Variants in PRMT3 observed in about 807,000 individuals in gnomAD.
PRMT3 encodes the protein protein arginine N-methyltransferase 3.
PRMT3 carries 62 observed loss-of-function variants against 71.9 expected under a neutral mutation model. That is an observed-to-expected ratio of 0.86 (90% confidence interval 0.70 to 1.07). The LOEUF (loss-of-function observed/expected upper bound fraction) is 1.07. PRMT3 is among the 50% of genes least tolerant of loss of function. The pLI, the probability that PRMT3 is intolerant of heterozygous loss-of-function variation, is 0.00. For missense variants in PRMT3, 663 were observed against 643.0 expected (o/e 1.03, Z -0.34); for synonymous variants, 213 against 220.4 (o/e 0.97, Z 0.30).
At chr11:20,419,586 A>G (rs1849381483) in intron 9 of PRMT3, among the ~76,000 whole-genome samples, 1 of 152,086 alleles carries the variant, frequency 6.6e-6, no homozygotes, top group Non-Finnish European at 1.5e-5. Flanking sequence ...TAGAGGGTAT[A>G]TTTTCTTGTA....
intron 12 of PRMT3, among the ~76,000 whole-genome samples, 193 bp from the exon 13 acceptor site, chr11:20,464,267 T>C (rs1263345018): frequency 6.6e-6 from 1 of 152,160 alleles, no homozygotes; most frequent in African/African-American, 2.4e-5. Flanking sequence ...AAGATGATAG[T>C]ACTAGTACTC....
Position 20,508,347 on chromosome 11 carries a change from A to G in PRMT3, c.1530A>G (p.Lys510=), listed in dbSNP as rs1851645243. Residue 510 remains lysine (K), a synonymous_variant, in exon 16 of 16, where the codon AAA becomes AAG. Coordinates refer to ENST00000331079, the MANE Select transcript of PRMT3 (RefSeq NM_005788.4). The part of the protein sequence containing the change: ...KGKVTVHKNK[K]DPRSLTVTLT... ...AGGTCACAGTTCACAAGAATAAGAAAGATCCACGTTCTCTCACCGTGACCC... is the reference window on the plus strand; with the variant it reads ...AGGTCACAGTTCACAAGAATAAGAAGGATCCACGTTCTCTCACCGTGACCC... The G allele has an allele frequency of 6.2e-7, 1 of 1,612,506 alleles. No homozygotes were observed. Among genetic ancestry groups the G allele is most frequent in the Non-Finnish European group, 8.5e-7 (1 of 1,178,620 alleles).
intron 13 of PRMT3, among the ~76,000 whole-genome samples, chr11:20,470,206 T>G (rs1850610629): frequency 6.6e-6 from 1 of 152,188 alleles, no homozygotes; most frequent in Non-Finnish European, 1.5e-5. Context: ...TATCTAAGCA[T>G]AGAAAAGGTA....
chr11:20,395,270 A>G (rs1848800171), intron 5 of PRMT3, among the ~76,000 whole-genome samples: 1 of 152,042 alleles, frequency 6.6e-6, no homozygotes, highest in Admixed American at 6.5e-5. Flanking sequence ...AGTTTAGCCA[A>G]CTAATGAAAA....
At position 20,400,724 on chromosome 11, in the gene PRMT3, C is replaced by T. The variant is rs1238157475; in HGVS notation, c.706-2195C>T. Among the ~76,000 whole-genome samples the T allele has an allele frequency of 2.0e-5, 3 of 151,386 alleles. No individual in the cohort carries two copies. The South Asian group carries it at 6.2e-4, about 31-fold the overall frequency. On this transcript the variant is annotated intron_variant, in intron 7 of 15. Coordinates refer to ENST00000331079, the MANE Select transcript of PRMT3 (RefSeq NM_005788.4). ...TATAACTTTTTTCTTTACCTTCATTCTTTTTTTTATATTTGTAGGAATAAT... is the reference window on the plus strand; with the variant it reads ...TATAACTTTTTTCTTTACCTTCATTTTTTTTTTTATATTTGTAGGAATAAT...
chr11:20,426,773 A>G lies in PRMT3; in HGVS notation c.901A>G (p.Lys301Glu), dbSNP rs921875181. The part of the protein sequence containing the change: ...YQAMDIIRLN[K>E]LEDTITLIKG... ...ATTCATTATAATTTTCAGACTAAATAAACTTGAAGATACTATTACACTAAT... is the reference window on the plus strand; with the variant it reads ...ATTCATTATAATTTTCAGACTAAATGAACTTGAAGATACTATTACACTAAT... Residue 301 changes from lysine (K) to glutamate (E), a missense_variant, in exon 10 of 16, where the codon AAA (lysine) becomes GAA (glutamate). Transcript: ENST00000331079. 8 of 1,477,294 alleles carry G rather than the reference A, an allele frequency of 5.4e-6. No homozygotes were observed. The South Asian group carries it at 7.4e-5, about 14-fold the overall frequency. 91.5% of individuals were successfully genotyped at this position (1,477,294 alleles called of 1,614,324 possible).
At chr11:20,440,310 G>A (rs1849856542) in intron 10 of PRMT3, among the ~76,000 whole-genome samples, 3 of 152,030 alleles carry the variant, frequency 2.0e-5, no homozygotes, top group Non-Finnish European at 4.4e-5. Flanking sequence ...AGCTATGATT[G>A]CACCACTGCC....
At chr11:20,485,271 AATT>A (rs1292215419) in intron 13 of PRMT3, among the ~76,000 whole-genome samples, 1 of 152,206 alleles carries the variant, frequency 6.6e-6, no homozygotes, top group Non-Finnish European at 1.5e-5. Flanking sequence ...ACAGGTTTCA[AATT>A]ATTTTCACAA....
chr11:20,396,121 T>C (rs1455504784), intron 6 of PRMT3, among the ~76,000 whole-genome samples, 159 bp downstream of exon 6: 1 of 152,244 alleles, frequency 6.6e-6, no homozygotes, highest in African/African-American at 2.4e-5. Flanking sequence ...TTGTACACTA[T>C]GGATATAGTT....
intron 13 of PRMT3, among the ~76,000 whole-genome samples, chr11:20,471,943 A>AT (rs112414970): frequency 0.02 from 3,049 of 150,564 alleles, 90 homozygotes; most frequent in African/African-American, 0.067. Flanking sequence ...ATTCCTAGGT[A>AT]TTTTTTTTTG....
At chr11:20,425,443 A>G (rs1363450407) in intron 9 of PRMT3, among the ~76,000 whole-genome samples, 1 of 152,244 alleles carries the variant, frequency 6.6e-6, no homozygotes, top group Non-Finnish European at 1.5e-5. Context: ...GCTTATACAC[A>G]GATGTTTATA....
chr11:20,407,515 A>G (rs1849097421), intron 8 of PRMT3: 1 of 156,912 alleles, frequency 6.4e-6, no homozygotes, highest in African/African-American at 2.4e-5. Flanking sequence ...GTTAAAATGT[A>G]CTGACTCACC....
At position 20,508,513 on chromosome 11, in the gene PRMT3, G is replaced by C. The variant is rs1378045100; in HGVS notation, c.*100G>C. On this transcript the variant is annotated 3_prime_UTR_variant, in exon 16 of 16. Transcript: ENST00000331079. ...TATGTGAGCAGATGGATGGATGATG[G>C]ACCCTTTCCTAATGAGCCTCCTCAA... 6 of 811,550 alleles carry C rather than the reference G, an allele frequency of 7.4e-6. No individual in the cohort carries two copies. Among genetic ancestry groups the C allele is most frequent in the Non-Finnish European group, 1.3e-5 (6 of 460,172 alleles). 50.3% of individuals were successfully genotyped at this position (811,550 alleles called of 1,614,324 possible). A position where few individuals can be genotyped will look rare whatever the true frequency, so the allele number is the denominator to read the frequency against.
Position 20,387,885 on chromosome 11 carries a change from A to G in PRMT3, c.28+111A>G, listed in dbSNP as rs999263643. On this transcript the variant is annotated intron_variant, in intron 1 of 15. Transcript: ENST00000331079. This position sits in a 1 kb window ranked among gnomAD's most constrained non-coding sequence, Gnocchi z 4.3. ...GGCCCGGGCAGGGTGGGGGGCTCGC[A>G]GGGATCATGAAGGAGGTGCTGAGTG... 1 of 1,540,272 alleles carries G rather than the reference A, an allele frequency of 6.5e-7. No homozygotes were observed.
intron 12 of PRMT3, among the ~76,000 whole-genome samples, chr11:20,462,939 C>T (rs1016125644): frequency 2.0e-5 from 3 of 152,036 alleles, no homozygotes; most frequent in East Asian, 1.9e-4. Context: ...AATCTCGGCT[C>T]ACTGCAATCT....
chr11:20,508,151 A>C (rs1851638529), intron 15 of PRMT3, among the ~76,000 whole-genome samples, 153 bp from the exon 16 acceptor site: 1 of 3,474 alleles, frequency 2.9e-4, no homozygotes, highest in Admixed American at 2.5e-3. Context: ...CTCCATCTTA[A>C]AAAAAAAAAA....
chr11:20,453,317 C>CT (rs1850192803), intron 11 of PRMT3, among the ~76,000 whole-genome samples: 1 of 98,532 alleles, frequency 1.0e-5, no homozygotes. Flanking sequence ...CCCGTCTTTA[C>CT]TAAAAAAAAA....
chr11:20,433,116 C>A (rs1849689046), intron 10 of PRMT3, among the ~76,000 whole-genome samples: 1 of 151,656 alleles, frequency 6.6e-6, no homozygotes, highest in Admixed American at 6.6e-5. Flanking sequence ...TAACTTGTGC[C>A]ATGGGGGTTT....
At chr11:20,474,087 C>T (rs1565228280) in intron 13 of PRMT3, among the ~76,000 whole-genome samples, 1 of 152,200 alleles carries the variant, frequency 6.6e-6, no homozygotes, top group Non-Finnish European at 1.5e-5. Context: ...AGGGTACTGA[C>T]CTGTTCCCAG....
Sources: allele counts gnomAD v4.1 joint callset (sites outside exome capture counted in the v4.1 genomes callset), GRCh38; gene constraint gnomAD v4.1.1; non-coding constraint Gnocchi (gnomAD v3.1); transcripts MANE v1.5; gene names NCBI Gene and HGNC (gene_info 2026-07-23, HGNC 2026-07-21).